NUP188: variants seen among roughly 807,000 people sequenced by gnomAD.
The protein encoded by NUP188 is nucleoporin NUP188.
In NUP188, 97 loss-of-function variants were observed where a neutral mutation model predicts 223.0. That is an observed-to-expected ratio of 0.43 (90% CI 0.37 to 0.51). The LOEUF (loss-of-function observed/expected upper bound fraction) is 0.51. NUP188 is among the 20% of genes least tolerant of loss of function. The probability of loss-of-function intolerance (pLI) is 0.00; values close to 1 mark genes in which losing one functional copy is unlikely to be tolerated. For synonymous variants in NUP188, 869 were observed against 828.0 expected, an observed-to-expected ratio of 1.05 and a Z score of -0.85; for missense variants, 1,947 against 2,175.6, an observed-to-expected ratio of 0.89 and a Z score of 2.09.
At chr9:128,949,854 C>T (rs1236314280) in intron 2 of NUP188, among the ~76,000 whole-genome samples, 2 of 151,246 alleles carry the variant, frequency 1.3e-5, no homozygotes, top group Non-Finnish European at 2.9e-5. Context: ...GTGTTGAACT[C>T]CTGACCTCAG....
intron 28 of NUP188, among the ~76,000 whole-genome samples, 168 bp from the exon 29 acceptor site, chr9:128,994,688 G>A (rs950776463): frequency 1.3e-5 from 2 of 152,228 alleles, no homozygotes; most frequent in African/African-American, 2.4e-5. Context: ...AGTTGGAGAC[G>A]TTGTGGACCT....
In NUP188 at chr9:128,958,954, A is replaced by G. The variant is rs1841907581; in HGVS notation, c.465+60A>G. 11 of 1,407,366 alleles carry G rather than the reference A, an allele frequency of 7.8e-6. No individual in the cohort carries two copies. The South Asian group carries it at 1.4e-4, about 18-fold the overall frequency. 87.2% of individuals were successfully genotyped at this position (1,407,366 alleles called of 1,614,324 possible). On this transcript the variant is annotated intron_variant, in intron 7 of 43. Transcript: ENST00000372577. ...CTGTATCATCTTAATAATTTTATTA[A>G]TATTTATTTGAATATTTACCTTTTA...
chr9:128,947,719 G>C lies in NUP188; in HGVS notation c.-1G>C. 6.8e-7 allele frequency: 1 copy of C among 1,473,350 alleles called. No homozygotes were observed. The highest frequency in any genetic ancestry group is 1.9e-4 in the Middle Eastern group (1 of 5,182). 91.3% of individuals were successfully genotyped at this position (1,473,350 alleles called of 1,614,324 possible). On this transcript the variant is annotated 5_prime_UTR_variant, in exon 1 of 44. Transcript: ENST00000372577. Reference sequence around the variant, plus strand: ...GGGTTAGGGCGAGCGGGCGCGCGAAGATGGCGGCGGCCGCCGGCGGGCCGT... The same window carrying C: ...GGGTTAGGGCGAGCGGGCGCGCGAACATGGCGGCGGCCGCCGGCGGGCCGT...
chr9:129,003,258 T>G, intron 37 of NUP188, 59 bp from the exon 38 acceptor site: 3 of 1,561,616 alleles, frequency 1.9e-6, no homozygotes, highest in East Asian at 2.2e-5. Flanking sequence ...AGGGTAGGTG[T>G]GGGTATGTCA....
intron 2 of NUP188, among the ~76,000 whole-genome samples, chr9:128,952,109 A>C (rs1300843912): frequency 6.6e-6 from 1 of 152,146 alleles, no homozygotes; most frequent in Non-Finnish European, 1.5e-5. Flanking sequence ...GATTATTAAT[A>C]AAACTGCATT....
intron 20 of NUP188, 178 bp downstream of exon 20, chr9:128,985,192 T>A: frequency 1.8e-6 from 1 of 544,654 alleles, no homozygotes; most frequent in Non-Finnish European, 3.3e-6. Context: ...TATGTGCCAG[T>A]TATGTACTCT....
intron 3 of NUP188, 138 bp from the exon 4 acceptor site, chr9:128,956,212 C>CGA: frequency 5.7e-6 from 2 of 348,328 alleles, no homozygotes; most frequent in Admixed American, 5.1e-5. Flanking sequence ...TGTGTGTGTG[C>CGA]GTGTGTGTGT....
At position 128,993,730 on chromosome 9, in the gene NUP188, G is replaced by A. The variant is rs374173990; in HGVS notation, c.3017+36G>A. 414 of 1,596,334 alleles carry A rather than the reference G, an allele frequency of 2.6e-4. 2 individuals are homozygous for A. Among genetic ancestry groups the A allele is most frequent in the Non-Finnish European group, 3.1e-4 (365 of 1,168,072 alleles). ...CTCTGGGAGTAGTTTCATTGTTCTGGTCTATAAAATGGGAGTAATAATAGC... is the reference window on the plus strand; with the variant it reads ...CTCTGGGAGTAGTTTCATTGTTCTGATCTATAAAATGGGAGTAATAATAGC... On this transcript the variant is annotated intron_variant, in intron 27 of 43. Transcript: ENST00000372577.
intron 8 of NUP188, among the ~76,000 whole-genome samples, chr9:128,960,059 C>CTTTTTTTTT: frequency 9.6e-6 from 1 of 103,790 alleles, no homozygotes; most frequent in Non-Finnish European, 1.9e-5. Context: ...TTATTTTATT[C>CTTTTTTTTT]TTTTTTTTTT....
chr9:128,987,307 G>A (rs1489811997), intron 22 of NUP188, among the ~76,000 whole-genome samples: 1 of 151,994 alleles, frequency 6.6e-6, no homozygotes, highest in Non-Finnish European at 1.5e-5. Context: ...GCTTATAGAT[G>A]TCTTATTTTA....
At chr9:129,002,273 G>A (rs1842685185) in intron 36 of NUP188, among the ~76,000 whole-genome samples, 1 of 152,202 alleles carries the variant, frequency 6.6e-6, no homozygotes, top group Non-Finnish European at 1.5e-5. Context: ...TCTAGCCAAG[G>A]CAGCTGTCCT....
intron 9 of NUP188, 54 bp from the exon 10 acceptor site, chr9:128,969,346 C>G: frequency 8.9e-7 from 1 of 1,117,606 alleles, no homozygotes; most frequent in Non-Finnish European, 1.4e-6. Flanking sequence ...ACCTTTGTCT[C>G]TAGTGAGTTT....
intron 24 of NUP188, 47 bp from the exon 25 acceptor site, chr9:128,990,073 T>G (rs763556573): frequency 7.0e-7 from 1 of 1,426,144 alleles, no homozygotes; most frequent in Non-Finnish European, 9.9e-7. Flanking sequence ...TCTAAGGACT[T>G]GAATTAGGCA....
chr9:128,995,220 C>T, intron 29 of NUP188, 99 bp from the exon 30 acceptor site: 1 of 927,554 alleles, frequency 1.1e-6, no homozygotes, highest in South Asian at 1.5e-5. Context: ...GCCTTTAAGC[C>T]CATGCAAGGT....
Position 128,987,669 on chromosome 9 carries a change from G to A in NUP188, c.2345G>A (p.Gly782Asp), listed in dbSNP as rs751980161. The part of the protein sequence containing the change: ...EAGQTVINIM[G>D]IGVDTIDMVM... ...GGACAGACAGTTATCAATATCATGG[G>A]CATTGGCGTGGACACCATTGACATG... Residue 782 changes from glycine to aspartate, a missense_variant, in exon 23 of 44, where the codon GGC becomes GAC. Coordinates refer to ENST00000372577, the MANE Select transcript of NUP188 (RefSeq NM_015354.3). 1 of 1,614,028 alleles carries A rather than the reference G, an allele frequency of 6.2e-7. No homozygotes were observed. The highest frequency in any genetic ancestry group is 8.5e-7 in the Non-Finnish European group (1 of 1,179,976).
At chr9:128,987,121 G>A (rs1158936404) in intron 22 of NUP188, among the ~76,000 whole-genome samples, 1 of 151,272 alleles carries the variant, frequency 6.6e-6, no homozygotes, top group African/African-American at 2.4e-5. Context: ...GTGTGTGTGT[G>A]TGTGTGTGTG....
intron 24 of NUP188, among the ~76,000 whole-genome samples, chr9:128,989,867 T>C (rs995503468): frequency 1.3e-5 from 2 of 152,130 alleles, no homozygotes; most frequent in Admixed American, 1.3e-4. Flanking sequence ...ATTAATAAAA[T>C]AAGCACCTAT....
intron 33 of NUP188, 113 bp downstream of exon 33, chr9:128,999,430 T>G (rs1842596626): frequency 4.9e-6 from 7 of 1,428,782 alleles, no homozygotes; most frequent in Non-Finnish European, 3.8e-6. Flanking sequence ...CTTTTGAGTT[T>G]CCAGTCATGG....
chr9:128,983,188 G>A, intron 17 of NUP188, 105 bp from the exon 18 acceptor site: 1 of 1,381,700 alleles, frequency 7.2e-7, no homozygotes, highest in South Asian at 1.2e-5. Flanking sequence ...GTTTTTATAT[G>A]TCTGCTGAGG....
Sources: gnomAD v4.1 joint callset for allele counts (sites outside exome capture counted in the v4.1 genomes callset) on GRCh38, gnomAD v4.1.1 for gene constraint, MANE v1.5 for transcripts, NCBI Gene and HGNC (gene_info 2026-07-23, HGNC 2026-07-21) for gene names.